The following PAPOLA variants were observed in gnomAD, a reference collection of about 807,000 sequenced individuals.
PAPOLA encodes the protein polynucleotide adenylyltransferase alpha.
Under a neutral mutation model 100.6 loss-of-function variants are expected in PAPOLA, and 15 were observed. The observed-to-expected ratio is 0.15, with a 90% CI of 0.10 to 0.23. The LOEUF is 0.23. PAPOLA is among the 10% of genes least tolerant of loss of function. The probability of loss-of-function intolerance (pLI) is 1.00; values close to 1 mark genes in which losing one functional copy is unlikely to be tolerated. For synonymous variants in PAPOLA, 293 were observed against 300.0 expected, an observed-to-expected ratio of 0.98 and a Z score of 0.24; for missense variants, 533 against 884.2, an observed-to-expected ratio of 0.60 and a Z score of 5.04.
chr14:96,553,455 G>A (rs1034876139), intron 17 of PAPOLA: 4 of 151,610 alleles, frequency 2.6e-5, no homozygotes, highest in African/African-American at 9.7e-5. Flanking sequence ...AGACTACAGT[G>A]AGCTGTGATC....
intron 6 of PAPOLA, among the ~76,000 whole-genome samples, chr14:96,529,706 A>G (rs182577206): frequency 3.9e-5 from 6 of 152,226 alleles, no homozygotes; most frequent in East Asian, 3.9e-4. Context: ...TGGGCGACAG[A>G]GCAAGACTCT....
intron 6 of PAPOLA, 90 bp from the exon 7 acceptor site, chr14:96,531,385 G>A: frequency 1.0e-6 from 1 of 976,022 alleles, no homozygotes; most frequent in South Asian, 1.7e-5. Flanking sequence ...GCCTCCCAGA[G>A]TGCTGGGATT....
At chr14:96,526,148 G>A (rs561475339) in intron 4 of PAPOLA, 2 of 152,242 alleles carry the variant, frequency 1.3e-5, no homozygotes, top group Middle Eastern at 3.4e-3. Flanking sequence ...CAATAAAAAT[G>A]TTACCTCGGC....
At chr14:96,534,345 A>G in intron 9 of PAPOLA, 146 bp from the exon 10 acceptor site, 1 of 1,432,844 alleles carries the variant, frequency 7.0e-7, no homozygotes, top group Non-Finnish European at 9.1e-7. Flanking sequence ...GAGTAGTCTA[A>G]TGTCGTCAGA....
intron 15 of PAPOLA, among the ~76,000 whole-genome samples, chr14:96,544,805 G>GT (rs1900257842): frequency 6.6e-6 from 1 of 152,060 alleles, no homozygotes; most frequent in African/African-American, 2.4e-5. Context: ...AGAAATTGAT[G>GT]AAGCAGAACT....
intron 7 of PAPOLA, 97 bp from the exon 8 acceptor site, chr14:96,532,234 C>G: frequency 7.0e-7 from 1 of 1,434,734 alleles, no homozygotes; most frequent in Non-Finnish European, 9.1e-7. Flanking sequence ...GGAAGCATTA[C>G]CATTAAACTT....
At chr14:96,561,194 T>A (rs1157560341) in intron 20 of PAPOLA, among the ~76,000 whole-genome samples, 1 of 152,162 alleles carries the variant, frequency 6.6e-6, no homozygotes, top group African/African-American at 2.4e-5. Context: ...GGCTAGAACC[T>A]GGGGTACATG....
intron 1 of PAPOLA, among the ~76,000 whole-genome samples, chr14:96,512,532 A>T (rs1897173131): frequency 6.6e-6 from 1 of 152,208 alleles, no homozygotes; most frequent in Non-Finnish European, 1.5e-5. Flanking sequence ...TTCTTAGTTT[A>T]ATAGTAAGAG....
At chr14:96,538,539 AAAT>A (rs1899722071) in intron 12 of PAPOLA, among the ~76,000 whole-genome samples, 1 of 151,996 alleles carries the variant, frequency 6.6e-6, no homozygotes, top group African/African-American at 2.4e-5. Flanking sequence ...AGTTTTTGTG[AAAT>A]AATCAAATTT....
Position 96,548,524 on chromosome 14 carries a change from C to T in PAPOLA, c.1521+606C>T, listed in dbSNP as rs188734275. On this transcript the variant is annotated intron_variant, in intron 16 of 21. Transcript: ENST00000216277. ...AATTTTAGTGGACAGATACAAATTACGTTTTTTCTTTAAGTGATTTCAAAA... is the reference window on the plus strand; with the variant it reads ...AATTTTAGTGGACAGATACAAATTATGTTTTTTCTTTAAGTGATTTCAAAA... 2.6e-4 allele frequency among the ~76,000 whole-genome samples: 39 copies of T among 152,056 alleles called. No individual in the cohort carries two copies. The East Asian group carries it at 3.7e-3, about 14-fold the overall frequency.
chr14:96,518,198 G>T (rs936345330), intron 1 of PAPOLA, among the ~76,000 whole-genome samples: 2 of 152,128 alleles, frequency 1.3e-5, no homozygotes, highest in African/African-American at 4.8e-5. Flanking sequence ...AACTAGACCA[G>T]GCAACAGTAA....
intron 19 of PAPOLA, among the ~76,000 whole-genome samples, chr14:96,558,944 A>G (rs1901579927): frequency 6.6e-6 from 1 of 151,738 alleles, no homozygotes; most frequent in South Asian, 2.1e-4. Flanking sequence ...CTGTGTTGCA[A>G]TTGTTTGATA....
intron 4 of PAPOLA, chr14:96,526,702 T>A: frequency 2.0e-5 from 3 of 152,654 alleles, no homozygotes. Flanking sequence ...TAGTATCCTT[T>A]CCTCTCTCCA....
chr14:96,508,914 G>T (rs1053578710), intron 1 of PAPOLA, among the ~76,000 whole-genome samples: 16 of 152,208 alleles, frequency 1.1e-4, no homozygotes, highest in African/African-American at 3.9e-4. Context: ...AGGTCATAAA[G>T]GTACTAAATT....
chr14:96,558,843 C>A (rs147212252), intron 19 of PAPOLA, among the ~76,000 whole-genome samples: 1 of 152,078 alleles, frequency 6.6e-6, no homozygotes, highest in Non-Finnish European at 1.5e-5. Context: ...TATCATCAAA[C>A]ATCTAGTCAG....
chr14:96,503,776 T>C (rs1896511935), intron 1 of PAPOLA, among the ~76,000 whole-genome samples: 1 of 152,208 alleles, frequency 6.6e-6, no homozygotes. Context: ...ATAATTTCTT[T>C]AGCACATAAT....
At chr14:96,528,640 C>T (rs1235485024) in intron 6 of PAPOLA, among the ~76,000 whole-genome samples, 1 of 152,126 alleles carries the variant, frequency 6.6e-6, no homozygotes, top group East Asian at 1.9e-4. Context: ...GTGATGTGCA[C>T]CTATCAGGAA....
At chr14:96,522,285 C>T (rs1316895010) in intron 3 of PAPOLA, among the ~76,000 whole-genome samples, 4 of 151,976 alleles carry the variant, frequency 2.6e-5, no homozygotes, top group Admixed American at 2.0e-4. Flanking sequence ...CCATACCCAG[C>T]TAATTTTGTA....
intron 1 of PAPOLA, among the ~76,000 whole-genome samples, chr14:96,511,467 T>C (rs927891107): frequency 2.0e-5 from 3 of 152,186 alleles, no homozygotes; most frequent in Admixed American, 2.0e-4. Flanking sequence ...AATGGAAATA[T>C]GATGTTCTGT....
Sources: allele counts gnomAD v4.1 joint callset (sites outside exome capture counted in the v4.1 genomes callset), GRCh38; gene constraint gnomAD v4.1.1; transcripts MANE v1.5; gene names NCBI Gene and HGNC (gene_info 2026-07-23, HGNC 2026-07-21).